Variants in EIF4E observed in about 807,000 individuals in gnomAD.
The protein encoded by EIF4E is eukaryotic translation initiation factor 4E.
For synonymous variants in EIF4E, 71 were observed against 88.5 expected (o/e 0.80, Z 1.11); for missense variants, 113 against 265.6 (o/e 0.43, Z 3.99).
chr4:98,881,865 A>G (rs1266986920), intron 6 of EIF4E, among the ~76,000 whole-genome samples: 1 of 152,212 alleles, frequency 6.6e-6, no homozygotes, highest in Non-Finnish European at 1.5e-5. Context: ...AGTAAACATA[A>G]GGGCTGTGAT....
At chr4:98,921,526 G>A (rs907634196) in intron 1 of EIF4E, among the ~76,000 whole-genome samples, 2 of 151,766 alleles carry the variant, frequency 1.3e-5, no homozygotes, top group Non-Finnish European at 2.9e-5. Context: ...CCGTGACCAC[G>A]CTTGGCTAAT....
rs1318394310 is a variant in EIF4E at position 98,901,859 on chromosome 4, G to A, written c.125+17C>T. The A allele has an allele frequency of 1.2e-6, 2 of 1,606,550 alleles. No individual in the cohort carries two copies. The highest frequency in any genetic ancestry group is 1.7e-6 in the Non-Finnish European group (2 of 1,175,198). ...CTTGTGGCCTAACTCAGAAAACCTA[G>A]GTGTTAGAAAGCTTACCTGTTCTGT... On this transcript the variant is annotated intron_variant, in intron 2 of 6. Transcript: ENST00000450253.
rs76631918 is a variant in EIF4E, at chr4:98,921,100, T to C, written c.18+7995A>G. ...CCTTTTGCGGCACCAAAACTTTGTA[T>C]GTAACACTTAAGGAACTATGTGACC... On this transcript the variant is annotated intron_variant, in intron 1 of 6. Transcript: ENST00000450253. Among the ~76,000 whole-genome samples, 975 of 152,332 alleles carry C rather than the reference T, an allele frequency of 6.4e-3. 11 individuals are homozygous for C. The highest frequency in any genetic ancestry group is 0.022 in the African/African-American group (916 of 41,584).
intron 1 of EIF4E, among the ~76,000 whole-genome samples, chr4:98,916,785 AT>A (rs1384274538): frequency 1.3e-5 from 2 of 152,054 alleles, no homozygotes; most frequent in Non-Finnish European, 2.9e-5. Flanking sequence ...GGCCTCAAAA[AT>A]TTTTTTACTA....
intron 5 of EIF4E, chr4:98,886,363 C>A: frequency 6.3e-6 from 2 of 318,150 alleles, no homozygotes; most frequent in Non-Finnish European, 1.3e-5. Context: ...GTTAATATCA[C>A]AACATGTAGG....
At chr4:98,881,265 G>T in intron 6 of EIF4E, 123 bp from the exon 7 acceptor site, 1 of 1,456,354 alleles carries the variant, frequency 6.9e-7, no homozygotes, top group Non-Finnish European at 9.1e-7. Context: ...GAATAAAATA[G>T]GAAATTAATT....
chr4:98,912,311 T>TTA (rs1162892254), intron 1 of EIF4E, among the ~76,000 whole-genome samples: 1 of 149,926 alleles, frequency 6.7e-6, no homozygotes, highest in Non-Finnish European at 1.5e-5. Context: ...GCACGGTGGC[T>TTA]CATGCCTGTA....
intron 1 of EIF4E, among the ~76,000 whole-genome samples, chr4:98,927,323 T>C (rs971667772): frequency 3.3e-5 from 5 of 152,130 alleles, no homozygotes; most frequent in Admixed American, 2.6e-4. Flanking sequence ...AAATAAGCCT[T>C]TGTGTAGTCT....
intron 1 of EIF4E, among the ~76,000 whole-genome samples, chr4:98,904,783 A>G (rs1252899696): frequency 6.6e-6 from 1 of 152,186 alleles, no homozygotes; most frequent in Non-Finnish European, 1.5e-5. Flanking sequence ...AAACAAAACA[A>G]AAAAGGACAC....
intron 5 of EIF4E, among the ~76,000 whole-genome samples, chr4:98,885,643 G>C (rs1372239778): frequency 1.3e-5 from 2 of 152,052 alleles, no homozygotes; most frequent in Non-Finnish European, 2.9e-5. Context: ...GTAGAGACAG[G>C]GTTTTGCCAT....
chr4:98,922,972 C>T (rs1289920486), intron 1 of EIF4E, among the ~76,000 whole-genome samples: 1 of 151,730 alleles, frequency 6.6e-6, no homozygotes, highest in Non-Finnish European at 1.5e-5. Flanking sequence ...CTCAGCCTCC[C>T]AAGAAGCTGG....
intron 1 of EIF4E, among the ~76,000 whole-genome samples, chr4:98,907,393 T>C (rs767358932): frequency 1.3e-5 from 2 of 152,040 alleles, no homozygotes; most frequent in Non-Finnish European, 2.9e-5. Flanking sequence ...CAACTATCTA[T>C]TACCAAGGAA....
chr4:98,928,359 C>T (rs761783391), intron 1 of EIF4E, among the ~76,000 whole-genome samples: 2 of 152,188 alleles, frequency 1.3e-5, no homozygotes, highest in South Asian at 2.1e-4. Flanking sequence ...CCACCACCAT[C>T]CCTCATTCTA....
chr4:98,924,958 G>T (rs925175911), intron 1 of EIF4E, among the ~76,000 whole-genome samples: 2 of 152,168 alleles, frequency 1.3e-5, no homozygotes, highest in Admixed American at 1.3e-4. Context: ...AATTTACGTG[G>T]ATTATCGAGG....
rs1231095039 is a variant in EIF4E, at chr4:98,879,706, A to G, written c.*1322T>C. ...ACTTAACATAGAAACAACTCAATTCAGCAACCAAGTTTTACAACCACTGTT... is the reference window on the plus strand; with the variant it reads ...ACTTAACATAGAAACAACTCAATTCGGCAACCAAGTTTTACAACCACTGTT... On this transcript the variant is annotated 3_prime_UTR_variant, in exon 7 of 7. Transcript: ENST00000450253. The G allele has an allele frequency of 6.6e-6, 1 of 152,166 alleles. No individual in the cohort carries two copies. The highest frequency in any genetic ancestry group is 2.4e-5 in the African/African-American group (1 of 41,460). 9.4% of individuals were successfully genotyped at this position (152,166 alleles called of 1,614,324 possible). A position where few individuals can be genotyped will look rare whatever the true frequency, so the allele number is the denominator to read the frequency against.
chr4:98,897,902 A>G (rs999402415), intron 2 of EIF4E, among the ~76,000 whole-genome samples: 1 of 152,250 alleles, frequency 6.6e-6, no homozygotes, highest in African/African-American at 2.4e-5. Context: ...GAAGATCTGC[A>G]TAACTCACTG....
At chr4:98,910,079 T>C (rs1357089331) in intron 1 of EIF4E, 2 of 248,774 alleles carry the variant, frequency 8.0e-6, no homozygotes, top group Non-Finnish European at 1.5e-5. Flanking sequence ...CCTCAGGCTA[T>C]TAAACTGTTT....
At chr4:98,901,210 T>TC (rs1249048881) in intron 2 of EIF4E, among the ~76,000 whole-genome samples, 1 of 151,896 alleles carries the variant, frequency 6.6e-6, no homozygotes, top group East Asian at 1.9e-4. Flanking sequence ...CTTTTTTTTT[T>TC]TTTTGAGATG....
chr4:98,897,262 T>C (rs572578680), intron 2 of EIF4E, among the ~76,000 whole-genome samples: 3 of 138,378 alleles, frequency 2.2e-5, no homozygotes, highest in Admixed American at 6.8e-5. Flanking sequence ...GTACTAATAA[T>C]GTGAGTTTCA....
Sources: allele counts gnomAD v4.1 joint callset (sites outside exome capture counted in the v4.1 genomes callset), GRCh38; gene constraint gnomAD v4.1.1; transcripts MANE v1.5; gene names NCBI Gene and HGNC (gene_info 2026-07-23, HGNC 2026-07-21).